The following CEACAM18 variants were observed in gnomAD, a reference collection of about 807,000 sequenced individuals.
CEACAM18 encodes CEA cell adhesion molecule 18.
CEACAM18 carries 33 observed loss-of-function variants against 34.3 expected under a neutral mutation model. That is an observed-to-expected ratio of 0.96 (90% confidence interval 0.73 to 1.29). The LOEUF (loss-of-function observed/expected upper bound fraction) is 1.29. CEACAM18 is among the 50% of genes most tolerant of loss of function. The probability of loss-of-function intolerance (pLI) is 0.00; values close to 1 mark genes in which losing one functional copy is unlikely to be tolerated. For missense variants in CEACAM18, 474 were observed against 485.0 expected (o/e 0.98, Z 0.21); for synonymous variants, 169 against 180.9 (o/e 0.93, Z 0.53).
exon 3 of CEACAM18, chr19:51,481,475 A>C: frequency 6.2e-7 from 1 of 1,613,986 alleles, no homozygotes; most frequent in Admixed American, 1.7e-5. Context: ...ACTGCCTCAC[A>C]AATGTCACCA....
At chr19:51,479,834 T>C (rs1232886045) in intron 1 of CEACAM18, among the ~76,000 whole-genome samples, 2 of 152,128 alleles carry the variant, frequency 1.3e-5, no homozygotes, top group African/African-American at 4.8e-5. Context: ...GTGGCAGTCA[T>C]GTCTTCTGAT....
chr19:51,478,921 CAT>C (rs1262802752), intron 1 of CEACAM18, among the ~76,000 whole-genome samples: 3 of 151,148 alleles, frequency 2.0e-5, no homozygotes, highest in Non-Finnish European at 4.4e-5. Context: ...CAGACCCACA[CAT>C]GTGGTGTTAC....
At chr19:51,479,562 C>T (rs1989871675) in intron 1 of CEACAM18, among the ~76,000 whole-genome samples, 1 of 152,136 alleles carries the variant, frequency 6.6e-6, no homozygotes. Context: ...ACTCTGAGGA[C>T]CCCCAGAGGT....
intron 3 of CEACAM18, 101 bp from the exon 4 acceptor site, chr19:51,482,916 G>A (rs1167942672): frequency 1.7e-5 from 24 of 1,419,492 alleles, no homozygotes; most frequent in Admixed American, 8.9e-5. Flanking sequence ...GGGTTAGCCC[G>A]AGGTGCACAA....
At chr19:51,484,047 G>A (rs1214045087) in intron 4 of CEACAM18, among the ~76,000 whole-genome samples, 1 of 152,186 alleles carries the variant, frequency 6.6e-6, no homozygotes. Context: ...GGGACAAGCA[G>A]CTCCATCGTT....
chr19:51,483,652 T>C (rs1181786527), intron 4 of CEACAM18, among the ~76,000 whole-genome samples: 1 of 152,184 alleles, frequency 6.6e-6, no homozygotes, highest in Non-Finnish European at 1.5e-5. Context: ...CTGAGCCCCA[T>C]GGAGTTTGAG....
In CEACAM18 at chr19:51,486,892, GTT is replaced by G. The variant is rs564607266; in HGVS notation, c.1089+1780_1089+1781del. Among the ~76,000 whole-genome samples, 3 of 140,544 alleles carry G rather than the reference GTT, an allele frequency of 2.1e-5. No homozygotes were observed. In the East Asian group the frequency reaches 6.2e-4, roughly 29 times the overall value. The allele number at this position is 140,544 out of a possible 152,430, so 92.2% of individuals were successfully genotyped here. On this transcript the variant is annotated intron_variant, in intron 5 of 5. Transcript: ENST00000396477. ...GCCACCACACCTGGCTAATTTTTTT[GTT>G]TTTTTTTTTAGTAGAGACGGGGTTT...
Position 51,483,417 on chromosome 19 carries a change from G to A in CEACAM18, c.953+121G>A, listed in dbSNP as rs1437335237. ...TGCCATGACATGCTCTCAACCTCTG[G>A]GTGAAATCTCCCAGTTCTCTGAGGT... On this transcript the variant is annotated intron_variant, in intron 4 of 5. Transcript: ENST00000396477. 1.8e-5 allele frequency: 22 copies of A among 1,234,488 alleles called. No homozygotes were observed. In the South Asian group the frequency reaches 2.4e-4, roughly 14 times the overall value. The allele number at this position is 1,234,488 out of a possible 1,614,324, so 76.5% of individuals were successfully genotyped here. A position where few individuals can be genotyped will look rare whatever the true frequency, so the allele number is the denominator to read the frequency against.
intron 3 of CEACAM18, 128 bp from the exon 4 acceptor site, chr19:51,482,889 G>T (rs994090152): frequency 4.5e-5 from 45 of 1,009,400 alleles, no homozygotes; most frequent in Middle Eastern, 3.2e-4. Context: ...CAGCTGCCTT[G>T]CCTGGGGCAG....
intron 5 of CEACAM18, among the ~76,000 whole-genome samples, chr19:51,485,616 C>T (rs1318194890): frequency 6.6e-6 from 1 of 152,158 alleles, no homozygotes; most frequent in Non-Finnish European, 1.5e-5. Context: ...ATAGCTCATC[C>T]TCAGCCCAGC....
chr19:51,480,709 C>T, intron 2 of CEACAM18, 29 bp downstream of exon 2: 1 of 1,574,686 alleles, frequency 6.4e-7, no homozygotes, highest in Non-Finnish European at 8.7e-7. Flanking sequence ...TGTTTCCCAA[C>T]CCCCAAGGAG....
intron 5 of CEACAM18, among the ~76,000 whole-genome samples, 193 bp downstream of exon 5, chr19:51,485,315 G>T (rs1177415629): frequency 6.6e-6 from 1 of 152,164 alleles, no homozygotes; most frequent in African/African-American, 2.4e-5. Context: ...AGGGTTTAGA[G>T]TCGGCCATGG....
At chr19:51,488,057 A>G (rs1990034085) in intron 5 of CEACAM18, among the ~76,000 whole-genome samples, 2 of 152,180 alleles carry the variant, frequency 1.3e-5, no homozygotes, top group Admixed American at 6.5e-5. Flanking sequence ...ACAAAACCAG[A>G]AAAAGTAGAA....
chr19:51,483,009 C>T lies in CEACAM18; in HGVS notation c.674-8C>T. On this transcript the variant is annotated splice_region_variant and splice_polypyrimidine_tract_variant and intron_variant, in intron 3 of 5. Transcript: ENST00000396477. ...ACATAGCCTGGGCCTCCTACCCTGT[C>T]TCTACAGATGGGCCCGACTATGTGC... 1 of 1,612,694 alleles carries T rather than the reference C, an allele frequency of 6.2e-7. No individual in the cohort carries two copies. The highest frequency in any genetic ancestry group is 8.5e-7 in the Non-Finnish European group (1 of 1,178,854).
At chr19:51,491,113 G>T (rs55759469), downstream of CEACAM18, among the ~76,000 whole-genome samples, 34,484 of 152,142 alleles carry the variant, frequency 0.23, 4,285 homozygotes, top group East Asian at 0.45. Flanking sequence ...CCTGAGTACC[G>T]GAGCGACCTG....
At chr19:51,480,595 T>A (rs1180849415) in exon 2 of CEACAM18, 1 of 1,613,796 alleles carries the variant, frequency 6.2e-7, no homozygotes, top group Admixed American at 1.7e-5. Context: ...TCAGGCCGAC[T>A]GCATTAAATG....
Position 51,482,941 on chromosome 19 carries a change from G to C in CEACAM18, c.674-76G>C, listed in dbSNP as rs928139685. 11 of 1,555,580 alleles carry C rather than the reference G, an allele frequency of 7.1e-6. No individual in the cohort carries two copies. In the African/African-American group the frequency reaches 1.4e-4, roughly 19 times the overall value. ...GAGGTGCACAATGGGGAACCTCCTG[G>C]CTGGGGGAGGACTTCATGAGACGGG... On this transcript the variant is annotated intron_variant, in intron 3 of 5. Coordinates refer to ENST00000396477, the Ensembl canonical transcript of CEACAM18.
exon 4 of CEACAM18, chr19:51,483,148 C>G (rs1306176677): frequency 6.2e-7 from 1 of 1,614,024 alleles, no homozygotes; most frequent in East Asian, 2.2e-5. Context: ...CCACTGGATC[C>G]ACAATGGCTC....
chr19:51,488,082 G>A (rs1990034480), intron 5 of CEACAM18, among the ~76,000 whole-genome samples: 1 of 152,146 alleles, frequency 6.6e-6, no homozygotes, highest in Admixed American at 6.5e-5. Context: ...ACAACCACTA[G>A]TCCCTCCTCT....
Sources: allele counts gnomAD v4.1 joint callset (sites outside exome capture counted in the v4.1 genomes callset), GRCh38; gene constraint gnomAD v4.1.1; transcripts MANE v1.5; gene names NCBI Gene and HGNC (gene_info 2026-07-23, HGNC 2026-07-21).